LRP1B: variants seen among roughly 807,000 people sequenced by gnomAD.
LRP1B encodes the protein low-density lipoprotein receptor-related protein 1B.
Under a neutral mutation model 556.6 loss-of-function variants are expected in LRP1B, and 217 were observed. That is an observed-to-expected ratio of 0.39 (90% CI 0.35 to 0.44). The LOEUF (loss-of-function observed/expected upper bound fraction) is 0.44. LRP1B is among the 20% of genes least tolerant of loss of function. LRP1B has a pLI of 1.00. For missense variants in LRP1B, 5,053 were observed against 5,620.8 expected (o/e 0.90, Z 3.23); for synonymous variants, 2,047 against 1,865.8 (o/e 1.10, Z -2.50).
intron 1 of LRP1B, among the ~76,000 whole-genome samples, chr2:142,011,406 T>C (rs1167807911): frequency 6.6e-6 from 1 of 152,200 alleles, no homozygotes; most frequent in Non-Finnish European, 1.5e-5. Context: ...TACATGATGA[T>C]ACAATTTCTC....
In LRP1B at chr2:140,399,164, T is replaced by TACAC. The variant is rs67690255; in HGVS notation, c.10415-13159_10415-13156dup. On this transcript the variant is annotated intron_variant, in intron 66 of 90. Coordinates refer to ENST00000389484, the MANE Select transcript of LRP1B (RefSeq NM_018557.3). ...ATTACTTAAAAAGAGAAGACCAAGA[T>TACAC]ACACACACACACACACACACACACA... Among the ~76,000 whole-genome samples, 1,474 of 122,452 alleles carry TACAC rather than the reference T, an allele frequency of 0.012. 56 individuals are homozygous for TACAC. The East Asian group carries it at 0.14, about 12-fold the overall frequency. 80.3% of individuals were successfully genotyped at this position (122,452 alleles called of 152,430 possible). A position where few individuals can be genotyped will look rare whatever the true frequency, so the allele number is the denominator to read the frequency against.
chr2:140,588,478 T>C (rs1682076928), intron 43 of LRP1B, among the ~76,000 whole-genome samples: 1 of 152,214 alleles, frequency 6.6e-6, no homozygotes, highest in African/African-American at 2.4e-5. Flanking sequence ...TAGATGTGGA[T>C]AGATTATTCT....
At position 141,020,051 on chromosome 2, in the gene LRP1B, T is replaced by C; in HGVS notation, c.1841A>G (p.Tyr614Cys). 1 of 1,611,612 alleles carries C rather than the reference T, an allele frequency of 6.2e-7. No homozygotes were observed. The highest frequency in any genetic ancestry group is 1.1e-5 in the South Asian group (1 of 90,888). ...TTTCCTATGGCCATCATTGGTCCAG[T>C]AAAGATTATTTCCAATCCAGTCCAC... is the stretch of plus-strand genomic sequence containing the variant. ...IAVDWIGNNL[Y>C]WTNDGHRKTI... Residue 614 changes from tyrosine to cysteine, a missense_variant, in exon 12 of 91, where the codon TAC becomes TGC. Coordinates refer to ENST00000389484, the MANE Select transcript of LRP1B (RefSeq NM_018557.3).
In LRP1B at chr2:140,370,819, C is replaced by A; in HGVS notation, c.10899G>T (p.Lys3633Asn). Residue 3633 changes from lysine (K) to asparagine (N), a missense_variant, in exon 71 of 91, where the codon AAG becomes AAT. Transcript: ENST00000389484. ...TATTTTTGCACCGAAACTGATCTTC[C>A]TTACATTCAGTCACACAGTCCATCT... ...SDEMDCVTEC[K>N]EDQFRCKNKA... The A allele has an allele frequency of 6.2e-7, 1 of 1,612,562 alleles. No individual in the cohort carries two copies. The highest frequency in any genetic ancestry group is 8.5e-7 in the Non-Finnish European group (1 of 1,179,000).
At chr2:141,357,258 G>T (rs1688661752) in intron 3 of LRP1B, among the ~76,000 whole-genome samples, 3 of 152,108 alleles carry the variant, frequency 2.0e-5, no homozygotes, top group Admixed American at 2.0e-4. Flanking sequence ...TTTTCACCGT[G>T]TTAGCCAGGG....
chr2:141,033,556 A>G (rs1698441230), intron 11 of LRP1B, among the ~76,000 whole-genome samples: 1 of 150,484 alleles, frequency 6.6e-6, no homozygotes, highest in Admixed American at 6.6e-5. Flanking sequence ...AAAAAAAATC[A>G]TATGTTGAAG....
intron 17 of LRP1B, among the ~76,000 whole-genome samples, chr2:140,983,075 G>A (rs1332219901): frequency 6.6e-6 from 1 of 151,442 alleles, no homozygotes; most frequent in Non-Finnish European, 1.5e-5. Flanking sequence ...TATAATCAGG[G>A]CAACTTTTAA....
intron 55 of LRP1B, among the ~76,000 whole-genome samples, chr2:140,500,324 A>T (rs1475898842): frequency 6.6e-6 from 1 of 151,992 alleles, no homozygotes. Flanking sequence ...AGCTAAGTTA[A>T]TAATACCAGA....
At chr2:141,592,325 A>T (rs1687369964) in intron 2 of LRP1B, among the ~76,000 whole-genome samples, 1 of 152,158 alleles carries the variant, frequency 6.6e-6, no homozygotes. Context: ...CAAGATCAAG[A>T]TACCAACAGA....
chr2:140,512,428 T>G (rs1574023878), intron 51 of LRP1B, among the ~76,000 whole-genome samples: 1 of 152,202 alleles, frequency 6.6e-6, no homozygotes, highest in East Asian at 1.9e-4. Flanking sequence ...GGGAAAAGAA[T>G]CCCGAGGGAG....
intron 86 of LRP1B, 97 bp downstream of exon 86, chr2:140,270,145 T>C: frequency 1.2e-6 from 1 of 845,088 alleles, no homozygotes; most frequent in East Asian, 2.5e-5. Context: ...GAAACACTCA[T>C]TTAAAATTAC....
At position 140,415,047 on chromosome 2, in the gene LRP1B, T is replaced by G. The variant is rs190704937; in HGVS notation, c.10414+27457A>C. Among the ~76,000 whole-genome samples, 149 of 152,268 alleles carry G rather than the reference T, an allele frequency of 9.8e-4. 1 individual carries two copies. The highest frequency in any genetic ancestry group is 1.8e-3 in the Admixed American group (28 of 15,288). On this transcript the variant is annotated intron_variant, in intron 66 of 90. Transcript: ENST00000389484. ...GGCTGCTCTGGGAATGTCTGTCTTA[T>G]TCGATTGAGATAAGGACTGAGATAC...
intron 1 of LRP1B, among the ~76,000 whole-genome samples, chr2:141,997,410 TA>T (rs1702525140): frequency 6.3e-5 from 2 of 31,588 alleles, no homozygotes; most frequent in South Asian, 1.3e-3. Flanking sequence ...TATATAAATG[TA>T]TATATGTGTG....
chr2:141,101,849 T>G (rs184411528), intron 7 of LRP1B, among the ~76,000 whole-genome samples: 4 of 152,132 alleles, frequency 2.6e-5, no homozygotes, highest in African/African-American at 4.8e-5. Flanking sequence ...TTGGTATCTC[T>G]TCAATAGGGA....
intron 35 of LRP1B, among the ~76,000 whole-genome samples, chr2:140,720,219 C>T (rs919459166): frequency 1.3e-5 from 2 of 151,918 alleles, no homozygotes; most frequent in African/African-American, 4.8e-5. Context: ...GGTGATCTAA[C>T]AGACACTATC....
chr2:140,327,617 TGTGCTACAATA>T (rs199616831), intron 79 of LRP1B, among the ~76,000 whole-genome samples: 3,360 of 152,130 alleles, frequency 0.022, 45 homozygotes, highest in Non-Finnish European at 0.023. Context: ...CCTCTACCAA[TGTGCTACAATA>T]AAGAAGTAGC....
chr2:141,567,166 C>T (rs948950298), intron 2 of LRP1B, among the ~76,000 whole-genome samples: 4 of 152,072 alleles, frequency 2.6e-5, no homozygotes, highest in African/African-American at 9.7e-5. Flanking sequence ...TCCCAAATTC[C>T]TTGACTATGC....
intron 1 of LRP1B, among the ~76,000 whole-genome samples, chr2:141,981,397 C>A (rs1702038960): frequency 6.6e-6 from 1 of 151,880 alleles, no homozygotes; most frequent in African/African-American, 2.4e-5. Flanking sequence ...TTGCATAATT[C>A]CTGGGATGGA....
chr2:141,751,153 C>T (rs1694096640), intron 2 of LRP1B, among the ~76,000 whole-genome samples: 2 of 151,786 alleles, frequency 1.3e-5, no homozygotes, highest in Admixed American at 6.6e-5. Context: ...AAAAAGTTAA[C>T]AAATAAAACA....
Sources: allele counts gnomAD v4.1 joint callset (sites outside exome capture counted in the v4.1 genomes callset), GRCh38; gene constraint gnomAD v4.1.1; transcripts MANE v1.5; gene names NCBI Gene and HGNC (gene_info 2026-07-23, HGNC 2026-07-21).